The following DGKH variants were observed in gnomAD, a reference collection of about 807,000 sequenced individuals.
DGKH encodes DAG kinase eta.
A neutral mutation model predicts 159.3 loss-of-function variants in DGKH; 90 were observed. The observed-to-expected ratio is 0.57, with a 90% confidence interval of 0.48 to 0.67. DGKH has a LOEUF of 0.67. DGKH is among the 30% of genes least tolerant of loss of function. The pLI is 0.00. For synonymous variants in DGKH, 536 were observed against 553.8 expected (o/e 0.97, Z 0.45); for missense variants, 1,181 against 1,506.1 (o/e 0.78, Z 3.57).
chr13:42,053,518 C>CTATATATAACTATATTTGTA lies in DGKH; in HGVS notation c.192+4568_192+4569insTTGTATATATATAACTATAT, dbSNP rs1566076648. Among the ~76,000 whole-genome samples, 12 of 103,254 alleles carry CTATATATAACTATATTTGTA rather than the reference C, an allele frequency of 1.2e-4. No individual in the cohort carries two copies. In the South Asian group the frequency reaches 2.0e-3, roughly 18 times the overall value. 67.7% of individuals were successfully genotyped at this position (103,254 alleles called of 152,430 possible). On this transcript the variant is annotated intron_variant, in intron 1 of 29. Coordinates refer to ENST00000337343, the MANE Select transcript of DGKH (RefSeq NM_178009.5). ...TGTATAGAACTGTAACTATACATAA[C>CTATATATAACTATATTTGTA]TATATATAACTATATATGTATATAT...
rs775345396 is a variant in DGKH at position 42,189,091 on chromosome 13, C to G, written c.1694C>G (p.Ser565Cys). The change falls in exon 15 of 30, where the codon TCC (serine) becomes TGC (cysteine). Residue 565 changes from serine (S) to cysteine (C), a missense_variant. This residue lies in a region of DGKH where 257 missense variants were observed against 281.5 expected (regional missense o/e 0.91). Transcript: ENST00000337343. ...EQLLQALHTDSQAAPVLPGLS... is the reference protein window; with the variant it reads ...EQLLQALHTDCQAAPVLPGLS... Reference sequence around the variant, plus strand: ...CTGCTGCAGGCTTTGCACACAGATTCCCAGGCTGCGCCTGTTCTCCCTGGC... The same window carrying G: ...CTGCTGCAGGCTTTGCACACAGATTGCCAGGCTGCGCCTGTTCTCCCTGGC... 1 of 1,614,160 alleles carries G rather than the reference C, an allele frequency of 6.2e-7. No homozygotes were observed. The highest frequency in any genetic ancestry group is 1.1e-5 in the South Asian group (1 of 91,080).
At chr13:42,185,702 A>C (rs1354144021) in intron 13 of DGKH, among the ~76,000 whole-genome samples, 1 of 152,154 alleles carries the variant, frequency 6.6e-6, no homozygotes, top group Non-Finnish European at 1.5e-5. Flanking sequence ...ATTTTGTGAT[A>C]GTGTTATATA....
intron 29 of DGKH, among the ~76,000 whole-genome samples, chr13:42,223,236 C>T (rs909123481): frequency 2.6e-5 from 4 of 152,078 alleles, no homozygotes; most frequent in Non-Finnish European, 2.9e-5. Context: ...TCCTTCAGAC[C>T]GATGCCTCTA....
intron 1 of DGKH, among the ~76,000 whole-genome samples, chr13:42,058,903 A>G (rs1881944317): frequency 6.6e-6 from 1 of 152,172 alleles, no homozygotes; most frequent in Admixed American, 6.5e-5. Context: ...CCTGAATCCC[A>G]TTAGCCACAT....
chr13:42,138,019 C>T lies in DGKH; in HGVS notation c.384+8387C>T, dbSNP rs549355008. 8.3e-5 allele frequency: 75 copies of T among 898,416 alleles called. No individual in the cohort carries two copies. The African/African-American group carries it at 1.3e-3, about 15-fold the overall frequency. The allele number at this position is 898,416 out of a possible 1,614,324, so 55.7% of individuals were successfully genotyped here. A position where few individuals can be genotyped will look rare whatever the true frequency, so the allele number is the denominator to read the frequency against. On this transcript the variant is annotated intron_variant, in intron 3 of 29. Transcript: ENST00000337343. ...TTGAGTCATCTGATAGAACAGGCCC[C>T]TTGTGAGGTAATAGCTCTTCCCATT...
downstream of DGKH, among the ~76,000 whole-genome samples, chr13:42,246,498 C>A (rs1335870802): frequency 1.3e-5 from 2 of 152,100 alleles, no homozygotes; most frequent in Non-Finnish European, 2.9e-5. Context: ...GTTTGAGGTA[C>A]TATATCTACA....
chr13:42,059,540 G>A (rs914957024), intron 1 of DGKH, among the ~76,000 whole-genome samples: 3 of 152,062 alleles, frequency 2.0e-5, no homozygotes, highest in African/African-American at 7.2e-5. Context: ...GTGACCCACC[G>A]CGCCTGGCCT....
At chr13:42,153,065 G>GT (rs56948227) in intron 3 of DGKH, among the ~76,000 whole-genome samples, 53,751 of 152,068 alleles carry the variant, frequency 0.35, 10,003 homozygotes, top group Non-Finnish European at 0.42. Context: ...TCTGGAAAAC[G>GT]TAACTGTATT....
At chr13:42,256,485 A>G in exon 31 of DGKH, 2 of 1,206,000 alleles carry the variant, frequency 1.7e-6, no homozygotes, top group Non-Finnish European at 2.5e-6. Context: ...CTCACACCAG[A>G]ACAGTTTGAT....
chr13:42,117,427 T>C (rs767276821), intron 1 of DGKH, among the ~76,000 whole-genome samples: 9 of 152,222 alleles, frequency 5.9e-5, no homozygotes, highest in Non-Finnish European at 1.3e-4. Context: ...GCTTGTTCTT[T>C]TATGAGAAGC....
intron 1 of DGKH, among the ~76,000 whole-genome samples, chr13:42,074,945 A>T (rs1345370066): frequency 2.0e-5 from 3 of 152,194 alleles, no homozygotes; most frequent in African/African-American, 7.2e-5. Flanking sequence ...TTTCACATGG[A>T]GCATGAGAGT....
intron 21 of DGKH, among the ~76,000 whole-genome samples, chr13:42,207,366 TTTTAGTAGAGACGGGGGTTTCACCATG>T (rs1259756045): frequency 2.0e-5 from 3 of 151,348 alleles, no homozygotes; most frequent in Non-Finnish European, 4.4e-5. Context: ...ATTTTTGCAT[TTTTAGTAGAGACGGGGGTTTCACCATG>T]TTGGCCAGGG....
At chr13:42,164,910 ATT>A (rs747624137) in intron 7 of DGKH, among the ~76,000 whole-genome samples, 3 of 152,164 alleles carry the variant, frequency 2.0e-5, no homozygotes, top group Non-Finnish European at 4.4e-5. Context: ...TTTTATAAGA[ATT>A]TTTATAAGAA....
intron 1 of DGKH, among the ~76,000 whole-genome samples, chr13:42,126,226 A>G (rs187657821): frequency 3.0e-4 from 45 of 152,338 alleles, no homozygotes; most frequent in African/African-American, 1.0e-3. Context: ...AACGTAGTAA[A>G]TTACATTATG....
intron 30 of DGKH, among the ~76,000 whole-genome samples, chr13:42,255,205 T>G (rs901137072): frequency 6.6e-6 from 1 of 151,814 alleles, no homozygotes; most frequent in African/African-American, 2.4e-5. Context: ...CTATTAATCT[T>G]TTGTACATTA....
intron 3 of DGKH, among the ~76,000 whole-genome samples, chr13:42,144,889 C>T (rs1955681559): frequency 6.6e-6 from 1 of 152,120 alleles, no homozygotes; most frequent in East Asian, 1.9e-4. Flanking sequence ...AGGATTTAGT[C>T]TAGCCTGGCC....
At chr13:42,157,169 A>T (rs969465882) in intron 5 of DGKH, among the ~76,000 whole-genome samples, 1 of 152,200 alleles carries the variant, frequency 6.6e-6, no homozygotes, top group Admixed American at 6.5e-5. Context: ...TTAAAGAATG[A>T]TTGCAAAAGA....
chr13:42,246,729 C>T (rs1013227148), downstream of DGKH, among the ~76,000 whole-genome samples: 7 of 152,160 alleles, frequency 4.6e-5, no homozygotes, highest in East Asian at 1.9e-4. Context: ...TTCTCTCCCA[C>T]GCAGGCCTCC....
rs1435089945 is a variant in DGKH at position 42,237,412 on chromosome 13, A to C, written c.*8224A>C. 1 of 152,084 alleles carries C rather than the reference A, an allele frequency of 6.6e-6. No individual in the cohort carries two copies. Among genetic ancestry groups the C allele is most frequent in the Non-Finnish European group, 1.5e-5 (1 of 68,004 alleles). The allele number at this position is 152,084 out of a possible 1,614,324, so 9.4% of individuals were successfully genotyped here. A position where few individuals can be genotyped will look rare whatever the true frequency, so the allele number is the denominator to read the frequency against. ...ATTGGAAGTGGGGGAAAAAAAGAAA[A>C]CTGGTGAGAGAAATTACATGGAAAT... On this transcript the variant is annotated 3_prime_UTR_variant, in exon 30 of 30. Coordinates refer to ENST00000337343, the MANE Select transcript of DGKH (RefSeq NM_178009.5).
Sources: gnomAD v4.1 joint callset for allele counts (sites outside exome capture counted in the v4.1 genomes callset) on GRCh38, gnomAD v4.1.1 for gene constraint, gnomAD v4.1.1 regional missense constraint, MANE v1.5 for transcripts, NCBI Gene and HGNC (gene_info 2026-07-23, HGNC 2026-07-21) for gene names.